Variants in RBFOX1 observed in about 807,000 individuals in gnomAD.
RBFOX1 encodes the protein RNA binding protein fox-1 homolog 1.
Under a neutral mutation model 57.7 loss-of-function variants are expected in RBFOX1, and 8 were observed. The ratio of observed to expected loss-of-function variants is 0.14; its 90% CI spans 0.08 to 0.25. RBFOX1 has a LOEUF of 0.25. Ranked by LOEUF, RBFOX1 falls within the 10% of genes least tolerant of loss-of-function variation. RBFOX1 has a pLI of 1.00. For synonymous variants in RBFOX1, 326 were observed against 222.4 expected (o/e 1.47, Z -4.15); for missense variants, 611 against 548.5 (o/e 1.11, Z -1.14).
chr16:7,589,008 T>C (rs1215711530), intron 7 of RBFOX1, among the ~76,000 whole-genome samples: 1 of 152,232 alleles, frequency 6.6e-6, no homozygotes, highest in Non-Finnish European at 1.5e-5. Context: ...TCCAGATATT[T>C]TACAATCGTT....
intron 3 of RBFOX1, among the ~76,000 whole-genome samples, chr16:6,933,393 A>C (rs1249364961): frequency 1.3e-5 from 2 of 152,234 alleles, no homozygotes; most frequent in Admixed American, 6.5e-5. Flanking sequence ...CATCATTGCC[A>C]ACACTTATAT....
At chr16:5,416,079 C>G (rs909763771) in intron 1 of RBFOX1, among the ~76,000 whole-genome samples, 1 of 152,186 alleles carries the variant, frequency 6.6e-6, no homozygotes, top group Non-Finnish European at 1.5e-5. Flanking sequence ...AAATTTAAGT[C>G]TTACACTGGG....
In RBFOX1 at chr16:7,658,094, A is replaced by G. The variant is rs373581355; in HGVS notation, c.890+4147A>G. Among the ~76,000 whole-genome samples, 9 of 152,276 alleles carry G rather than the reference A, an allele frequency of 5.9e-5. No individual in the cohort carries two copies. The East Asian group carries it at 7.7e-4, about 13-fold the overall frequency. On this transcript the variant is annotated intron_variant, in intron 12 of 15. Coordinates refer to ENST00000550418, the MANE Select transcript of RBFOX1 (RefSeq NM_018723.4). ...GAAGCAGGGAAATCCATGTAAGGTG[A>G]CAACTTGGTCCATCTTATGACATGC...
intron 1 of RBFOX1, among the ~76,000 whole-genome samples, chr16:5,244,057 C>T (rs1207438892): frequency 4.6e-5 from 7 of 152,066 alleles, no homozygotes; most frequent in African/African-American, 1.7e-4. Flanking sequence ...CCACCACAGC[C>T]GGCTAATTTT....
chr16:6,720,299 C>G (rs1018791914), intron 3 of RBFOX1, among the ~76,000 whole-genome samples: 1 of 152,050 alleles, frequency 6.6e-6, no homozygotes, highest in Non-Finnish European at 1.5e-5. Flanking sequence ...CCTGTTTCTG[C>G]TACGTAAGAC....
chr16:7,140,893 G>A (rs1031650115), intron 4 of RBFOX1, among the ~76,000 whole-genome samples: 11 of 152,284 alleles, frequency 7.2e-5, no homozygotes, highest in African/African-American at 2.4e-4. Context: ...TCCATTAGGC[G>A]TTGGCATCTT....
intron 4 of RBFOX1, among the ~76,000 whole-genome samples, chr16:7,124,630 A>G (rs557254702): frequency 4.7e-5 from 7 of 149,852 alleles, no homozygotes; most frequent in Non-Finnish European, 1.0e-4. Flanking sequence ...CAATAGGGCA[A>G]CACATGATAG....
chr16:7,128,818 CTTTTTT>C (rs759893956), intron 4 of RBFOX1, among the ~76,000 whole-genome samples: 50 of 126,922 alleles, frequency 3.9e-4, no homozygotes, highest in Middle Eastern at 4.3e-3. Flanking sequence ...TTTCTTTTTA[CTTTTTT>C]TTTTTTTTTT....
At chr16:7,111,597 G>A (rs7194881) in intron 4 of RBFOX1, among the ~76,000 whole-genome samples, 132,655 of 152,076 alleles carry the variant, frequency 0.87, 58,276 homozygotes, top group East Asian at 1. Context: ...AGATAAAGCA[G>A]TGTCTGAGTA....
At chr16:7,200,909 G>A (rs528636035) in intron 4 of RBFOX1, among the ~76,000 whole-genome samples, 3 of 152,222 alleles carry the variant, frequency 2.0e-5, no homozygotes, top group South Asian at 2.1e-4. Context: ...AAGGATAATG[G>A]AATAAAAAAG....
chr16:5,968,472 G>C (rs886304683), intron 4 of RBFOX1, among the ~76,000 whole-genome samples: 4 of 152,142 alleles, frequency 2.6e-5, no homozygotes, highest in Admixed American at 2.6e-4. Context: ...TAGGTGACTT[G>C]TGTTGGATGT....
At chr16:7,038,937 C>G (rs995581512) in intron 3 of RBFOX1, among the ~76,000 whole-genome samples, 1 of 152,168 alleles carries the variant, frequency 6.6e-6, no homozygotes, top group East Asian at 1.9e-4. Context: ...CCTCTGACAT[C>G]CCTTTAATCA....
At chr16:6,937,299 T>A (rs2077538907) in intron 3 of RBFOX1, among the ~76,000 whole-genome samples, 1 of 152,148 alleles carries the variant, frequency 6.6e-6, no homozygotes, top group South Asian at 2.1e-4. Flanking sequence ...CTTTTTACCT[T>A]CATTCCCACA....
chr16:5,451,285 A>G (rs890500335), intron 1 of RBFOX1, among the ~76,000 whole-genome samples: 3 of 152,326 alleles, frequency 2.0e-5, no homozygotes, highest in Admixed American at 2.0e-4. Context: ...TCAGGAAATG[A>G]GAGATAGAAA....
At chr16:5,836,134 G>A (rs1052978728) in intron 3 of RBFOX1, among the ~76,000 whole-genome samples, 2 of 152,196 alleles carry the variant, frequency 1.3e-5, no homozygotes, top group Non-Finnish European at 2.9e-5. Context: ...AGGCTGAGCC[G>A]GGGAGGGCAG....
chr16:6,474,036 C>A (rs540144570), intron 2 of RBFOX1, among the ~76,000 whole-genome samples: 5 of 152,208 alleles, frequency 3.3e-5, no homozygotes, highest in African/African-American at 4.8e-5. Context: ...TTCCTGTAGA[C>A]AATAAGCTGG....
chr16:7,352,084 A>C (rs2097139325), intron 4 of RBFOX1, among the ~76,000 whole-genome samples: 1 of 152,114 alleles, frequency 6.6e-6, no homozygotes, highest in South Asian at 2.1e-4. Flanking sequence ...ATGGTCTTGC[A>C]ATTGCGGGGT....
At chr16:5,517,145 G>C (rs2043822197) in intron 2 of RBFOX1, among the ~76,000 whole-genome samples, 1 of 152,132 alleles carries the variant, frequency 6.6e-6, no homozygotes, top group Non-Finnish European at 1.5e-5. Context: ...GGATGCTGCT[G>C]TGGTCACCAG....
intron 1 of RBFOX1, among the ~76,000 whole-genome samples, chr16:6,042,873 A>C (rs754723878): frequency 5.3e-4 from 81 of 152,154 alleles, no homozygotes; most frequent in Non-Finnish European, 8.2e-4. Context: ...TCTGATTGAC[A>C]GTTGATTGAA....
Sources: allele counts gnomAD v4.1 joint callset (sites outside exome capture counted in the v4.1 genomes callset), GRCh38; gene constraint gnomAD v4.1.1; transcripts MANE v1.5; gene names NCBI Gene and HGNC (gene_info 2026-07-23, HGNC 2026-07-21).